SLC38A11: variants seen among roughly 807,000 people sequenced by gnomAD.
SLC38A11 encodes the protein solute carrier family 38 member 11, also known as putative sodium-coupled neutral amino acid transporter 11.
Under a neutral mutation model 49.4 loss-of-function variants are expected in SLC38A11, and 51 were observed. The observed-to-expected ratio is 1.03, with a 90% CI of 0.83 to 1.30. The LOEUF is 1.30. SLC38A11 is among the 50% of genes most tolerant of loss of function. SLC38A11 has a pLI of 0.00. For missense variants in SLC38A11, 574 were observed against 556.2 expected (o/e 1.03, Z -0.32); for synonymous variants, 203 against 192.9 (o/e 1.05, Z -0.43).
chr2:164,940,775 T>G (rs1412663091), intron 5 of SLC38A11, among the ~76,000 whole-genome samples: 1 of 150,982 alleles, frequency 6.6e-6, no homozygotes, highest in Non-Finnish European at 1.5e-5. Flanking sequence ...TATGTGTGTG[T>G]ATATATATTA....
intron 7 of SLC38A11, among the ~76,000 whole-genome samples, chr2:164,916,422 AG>A (rs1423336844): frequency 3.3e-5 from 5 of 152,140 alleles, no homozygotes; most frequent in African/African-American, 1.2e-4. Context: ...ATTTATTGAG[AG>A]AGGTAAACAT....
intron 7 of SLC38A11, among the ~76,000 whole-genome samples, chr2:164,934,464 C>G (rs1687220364): frequency 6.6e-6 from 1 of 152,104 alleles, no homozygotes; most frequent in African/African-American, 2.4e-5. Context: ...AATTGCCTGG[C>G]CCCTAGATCA....
intron 2 of SLC38A11, among the ~76,000 whole-genome samples, chr2:164,953,910 T>C (rs953565290): frequency 6.6e-6 from 1 of 152,132 alleles, no homozygotes; most frequent in African/African-American, 2.4e-5. Context: ...ACTGAAAATA[T>C]AGCTGCTTTT....
intron 7 of SLC38A11, among the ~76,000 whole-genome samples, chr2:164,925,897 T>C (rs1488451989): frequency 6.6e-6 from 1 of 152,216 alleles, no homozygotes; most frequent in African/African-American, 2.4e-5. Context: ...CCTTTGGCAG[T>C]GAGTTCTGGG....
intron 3 of SLC38A11, among the ~76,000 whole-genome samples, chr2:164,947,074 C>T (rs1688161179): frequency 8.2e-6 from 1 of 121,762 alleles, no homozygotes; most frequent in Admixed American, 8.1e-5. Context: ...TCACCAGTTT[C>T]TTTTACTCTG....
intron 9 of SLC38A11, among the ~76,000 whole-genome samples, chr2:164,914,439 A>G (rs553126164): frequency 1.4e-4 from 22 of 152,168 alleles, no homozygotes; most frequent in Non-Finnish European, 2.9e-4. Flanking sequence ...TAAGGGAAAC[A>G]TGATGTTTTG....
At chr2:164,907,679 TACTC>T (rs1248194701) in intron 11 of SLC38A11, among the ~76,000 whole-genome samples, 2 of 152,186 alleles carry the variant, frequency 1.3e-5, no homozygotes, top group African/African-American at 2.4e-5. Context: ...ACATAGTAAT[TACTC>T]AATAAATATA....
At chr2:164,931,669 G>A (rs1255532550) in intron 7 of SLC38A11, among the ~76,000 whole-genome samples, 1 of 152,164 alleles carries the variant, frequency 6.6e-6, no homozygotes, top group Non-Finnish European at 1.5e-5. Flanking sequence ...ACAAGCAATG[G>A]TGAAAGCACT....
At chr2:164,902,729 C>A (rs1684741338) in intron 11 of SLC38A11, among the ~76,000 whole-genome samples, 1 of 152,114 alleles carries the variant, frequency 6.6e-6, no homozygotes, top group Non-Finnish European at 1.5e-5. Flanking sequence ...ACAAAGCAAT[C>A]TCTCCATACC....
chr2:164,917,848 TC>T (rs750755325), intron 7 of SLC38A11, among the ~76,000 whole-genome samples: 3 of 152,134 alleles, frequency 2.0e-5, no homozygotes, highest in Non-Finnish European at 2.9e-5. Flanking sequence ...TCCATATGGT[TC>T]CTTGGGTATA....
At chr2:164,944,511 A>G (rs1343566178) in intron 5 of SLC38A11, 58 bp downstream of exon 5, 3 of 753,764 alleles carry the variant, frequency 4.0e-6, no homozygotes, top group African/African-American at 3.6e-5. Flanking sequence ...CATGTTAACT[A>G]TAAATAACTA....
intron 5 of SLC38A11, among the ~76,000 whole-genome samples, chr2:164,940,918 C>A (rs973955863): frequency 6.6e-6 from 1 of 151,914 alleles, no homozygotes; most frequent in African/African-American, 2.4e-5. Context: ...CATGCACTCA[C>A]TATTTACATA....
chr2:164,898,541 T>C lies in SLC38A11; in HGVS notation c.1285A>G (p.Met429Val). The C allele has an allele frequency of 6.2e-7, 1 of 1,613,640 alleles. No homozygotes were observed. The highest frequency in any genetic ancestry group is 8.5e-7 in the Non-Finnish European group (1 of 1,179,752). ...AAATTGTCAGGAAAGCAGTAGAACA[T>C]TTCCTGCCCATGGGTGCAGTCTTGA... Reference protein sequence around the residue: ...NTQDCTHGQEMFYCFPDNFSL... With the variant: ...NTQDCTHGQEVFYCFPDNFSL... Residue 429 changes from methionine to valine, a missense_variant, in exon 12 of 12, where the codon ATG (methionine) becomes GTG (valine). Transcript: ENST00000685975.
At chr2:164,925,179 G>C (rs77276137) in intron 7 of SLC38A11, among the ~76,000 whole-genome samples, 45 of 152,248 alleles carry the variant, frequency 3.0e-4, no homozygotes, top group African/African-American at 1.0e-3. Flanking sequence ...CCTACTGGGC[G>C]TTCTCTAATT....
At position 164,895,422 on chromosome 2, in the gene SLC38A11, C is replaced by T. The variant is rs898670889; in HGVS notation, c.*3015G>A. On this transcript the variant is annotated 3_prime_UTR_variant, in exon 12 of 12. Coordinates refer to ENST00000685975, the MANE Select transcript of SLC38A11 (RefSeq NM_001351537.2). The stretch of plus-strand genomic sequence containing the variant: ...TGCTTGGGCCACCTGACAACATTTG[C>T]TCCAATCAATAGCCACACCTAATTA... Among the ~76,000 whole-genome samples the T allele has an allele frequency of 5.3e-5, 8 of 152,160 alleles. No individual in the cohort carries two copies. Among genetic ancestry groups the T allele is most frequent in the African/African-American group, 1.9e-4 (8 of 41,446 alleles).
chr2:164,920,679 C>T (rs1362561268), intron 7 of SLC38A11, among the ~76,000 whole-genome samples: 1 of 151,932 alleles, frequency 6.6e-6, no homozygotes, highest in African/African-American at 2.4e-5. Context: ...CCTGTGTGTG[C>T]AGGACTCAGA....
At position 164,923,741 on chromosome 2, in the gene SLC38A11, G is replaced by A. The variant is rs534518472; in HGVS notation, c.618-7768C>T. On this transcript the variant is annotated intron_variant, in intron 7 of 11. Transcript: ENST00000685975. ...GAGCCTAGAAGGTCAAAGTTGCAGT[G>A]AGCCATGATTGCACCACTGCACTCC... 4.5e-4 allele frequency among the ~76,000 whole-genome samples: 68 copies of A among 151,864 alleles called. 1 individual carries two copies. The South Asian group carries it at 0.014, about 31-fold the overall frequency.
intron 3 of SLC38A11, among the ~76,000 whole-genome samples, chr2:164,952,198 A>G (rs1272117843): frequency 2.0e-5 from 3 of 152,204 alleles, no homozygotes; most frequent in Non-Finnish European, 4.4e-5. Flanking sequence ...GTGATACAGA[A>G]GCAACTTATT....
intron 9 of SLC38A11, among the ~76,000 whole-genome samples, chr2:164,913,152 T>C (rs185419432): frequency 9.3e-4 from 142 of 152,136 alleles, no homozygotes; most frequent in Non-Finnish European, 1.6e-3. Flanking sequence ...AGATTTACTT[T>C]AAGTGGCTCT....
Sources: gnomAD v4.1 joint callset for allele counts (sites outside exome capture counted in the v4.1 genomes callset) on GRCh38, gnomAD v4.1.1 for gene constraint, MANE v1.5 for transcripts, NCBI Gene and HGNC (gene_info 2026-07-23, HGNC 2026-07-21) for gene names.